The following UGT1A5 variants were observed in gnomAD, a reference collection of about 807,000 sequenced individuals.
UGT1A5 encodes the protein UDP glucuronosyltransferase family 1 member A5, also known as UDP-glucuronosyltransferase 1A5.
UGT1A5 carries 29 observed loss-of-function variants against 40.3 expected under a neutral mutation model. The observed-to-expected ratio is 0.72, with a 90% CI of 0.54 to 0.98. The LOEUF is 0.98. UGT1A5 is among the 50% of genes least tolerant of loss of function. The pLI is 0.00. For missense variants in UGT1A5, 678 were observed against 677.9 expected, an observed-to-expected ratio of 1.00 and a Z score of 0.00; for synonymous variants, 257 against 262.5, an observed-to-expected ratio of 0.98 and a Z score of 0.20.
At chr2:233,760,948 T>G (rs746225571) in intron 1 of UGT1A5, 7 of 1,614,204 alleles carry the variant, frequency 4.3e-6, no homozygotes, top group Non-Finnish European at 5.9e-6. Flanking sequence ...TTCACAGAAC[T>G]TTCTGTGCGA....
At chr2:233,747,186 C>G (rs1693584588) in intron 1 of UGT1A5, 2 of 1,602,976 alleles carry the variant, frequency 1.2e-6, no homozygotes, top group Non-Finnish European at 1.7e-6. Flanking sequence ...GTGGGGTGGA[C>G]AGTCAGCTGT....
chr2:233,730,435 C>G (rs1237158749), intron 1 of UGT1A5, among the ~76,000 whole-genome samples: 2 of 152,178 alleles, frequency 1.3e-5, no homozygotes, highest in African/African-American at 2.4e-5. Flanking sequence ...GTTGTCCCAT[C>G]TTGCAAATGA....
intron 1 of UGT1A5, chr2:233,741,895 C>G (rs1371352009): frequency 6.6e-6 from 1 of 151,808 alleles, no homozygotes; most frequent in Non-Finnish European, 1.5e-5. Flanking sequence ...GAAGAAGGGA[C>G]CCTTTGTGAT....
At chr2:233,747,854 G>A (rs28900382) in intron 1 of UGT1A5, 43 of 1,613,390 alleles carry the variant, frequency 2.7e-5, no homozygotes, top group Non-Finnish European at 3.6e-5. Flanking sequence ...TCAAGAACAT[G>A]CTCTACCCTC....
intron 1 of UGT1A5, chr2:233,747,689 A>C (rs552388790): frequency 3.7e-6 from 6 of 1,609,664 alleles, no homozygotes; most frequent in Non-Finnish European, 5.1e-6. Flanking sequence ...TCTGTGGGGC[A>C]GTGCTGGCTA....
At chr2:233,728,395 C>G (rs989594953) in intron 1 of UGT1A5, among the ~76,000 whole-genome samples, 1 of 152,120 alleles carries the variant, frequency 6.6e-6, no homozygotes, top group Non-Finnish European at 1.5e-5. Flanking sequence ...GTTGTCTTGC[C>G]CATGTGTGCT....
chr2:233,772,348 T>C lies in UGT1A5; in HGVS notation c.1394T>C (p.Phe465Ser). ...PLDLAVFWVE[F>S]VMRHKGAPHL... Reference sequence around the variant, plus strand: ...GACCTGGCCGTGTTCTGGGTGGAGTTTGTGATGAGGCACAAGGGCGCGCCA... The same window carrying C: ...GACCTGGCCGTGTTCTGGGTGGAGTCTGTGATGAGGCACAAGGGCGCGCCA... Residue 465 changes from phenylalanine (F) to serine (S), a missense_variant, in exon 5 of 5, where the codon TTT becomes TCT. Physicochemically the swap from Phe to Ser is radical, Grantham distance 155. Transcript: ENST00000373414. 3 of 1,614,234 alleles carry C rather than the reference T, an allele frequency of 1.9e-6. No individual in the cohort carries two copies. In the South Asian group the frequency reaches 3.3e-5, roughly 18 times the overall value.
chr2:233,753,256 C>T (rs1695165978), intron 1 of UGT1A5: 1 of 152,214 alleles, frequency 6.6e-6, no homozygotes, highest in African/African-American at 2.4e-5. Flanking sequence ...AGCAACTACC[C>T]AGGCACCTTG....
At chr2:233,738,943 T>C (rs1690943388) in intron 1 of UGT1A5, 1 of 152,080 alleles carries the variant, frequency 6.6e-6, no homozygotes, top group African/African-American at 2.4e-5. Flanking sequence ...AAAAATGGTG[T>C]TTTAGGCTGG....
At chr2:233,727,955 A>G (rs2077669269) in intron 1 of UGT1A5, among the ~76,000 whole-genome samples, 2 of 152,220 alleles carry the variant, frequency 1.3e-5, no homozygotes, top group Admixed American at 6.5e-5. Flanking sequence ...GCCTGCCCAC[A>G]TCATCCTGAG....
chr2:233,757,956 G>C (rs1696761467), intron 1 of UGT1A5, among the ~76,000 whole-genome samples: 1 of 152,144 alleles, frequency 6.6e-6, no homozygotes, highest in Admixed American at 6.5e-5. Flanking sequence ...CTGCCCTGCT[G>C]TGTGATTTCT....
At chr2:233,714,728 C>T (rs2076408539) in intron 1 of UGT1A5, among the ~76,000 whole-genome samples, 1 of 152,116 alleles carries the variant, frequency 6.6e-6, no homozygotes, top group African/African-American at 2.4e-5. Context: ...GTTGTTAAGT[C>T]TTCAAAATCT....
At chr2:233,735,868 CAG>C (rs201129034) in intron 1 of UGT1A5, among the ~76,000 whole-genome samples, 5,840 of 152,248 alleles carry the variant, frequency 0.038, 150 homozygotes, top group Non-Finnish European at 0.054. Flanking sequence ...AGGGTTTCTG[CAG>C]AGAGATCTGC....
At chr2:233,730,314 G>A (rs1295285736) in intron 1 of UGT1A5, among the ~76,000 whole-genome samples, 3 of 152,172 alleles carry the variant, frequency 2.0e-5, no homozygotes, top group Admixed American at 6.5e-5. Flanking sequence ...AGCTTGGCAG[G>A]AACAGGGACA....
chr2:233,768,488 A>T, intron 4 of UGT1A5, 49 bp downstream of exon 4: 1 of 1,577,512 alleles, frequency 6.3e-7, no homozygotes, highest in East Asian at 2.3e-5. Flanking sequence ...ATTCATGATA[A>T]AATTGTTTCA....
chr2:233,732,012 G>A (rs1045878291), intron 1 of UGT1A5, among the ~76,000 whole-genome samples: 10 of 152,206 alleles, frequency 6.6e-5, no homozygotes, highest in Non-Finnish European at 1.0e-4. Flanking sequence ...TTGTGGTTTT[G>A]ATTTGCATTT....
rs147555582 is a variant in UGT1A5, at chr2:233,719,200, G to C, written c.867+5342G>C. ...AATGTATCTTTGGCCCTTCATAGGT[G>C]TTGTGTGGAGCTACTGCATAATGAG... is the stretch of plus-strand genomic sequence containing the variant. On this transcript the variant is annotated intron_variant, in intron 1 of 4. Coordinates refer to ENST00000373414, the MANE Select transcript of UGT1A5 (RefSeq NM_019078.2). 146 of 1,614,136 alleles carry C rather than the reference G, an allele frequency of 9.0e-5. 3 individuals carry two copies. The highest frequency in any genetic ancestry group is 3.3e-4 in the Middle Eastern group (2 of 6,062).
chr2:233,754,247 A>G (rs1695429066), intron 1 of UGT1A5: 1 of 170,702 alleles, frequency 5.9e-6, no homozygotes, highest in Admixed American at 5.5e-5. Context: ...CACTTTCCCA[A>G]CGGAAAAAGG....
At chr2:233,733,976 G>A (rs1421347211) in intron 1 of UGT1A5, among the ~76,000 whole-genome samples, 2 of 152,086 alleles carry the variant, frequency 1.3e-5, no homozygotes, top group Non-Finnish European at 2.9e-5. Context: ...GGAGCGGGGA[G>A]GGATAGCATT....
Sources: gnomAD v4.1 joint callset for allele counts (sites outside exome capture counted in the v4.1 genomes callset) on GRCh38, gnomAD v4.1.1 for gene constraint, MANE v1.5 for transcripts, NCBI Gene and HGNC (gene_info 2026-07-23, HGNC 2026-07-21) for gene names.